The following DNAJC3 variants were observed in gnomAD, a reference collection of about 807,000 sequenced individuals.
DNAJC3 encodes the protein dnaJ homolog subfamily C member 3.
Under a neutral mutation model 68.6 loss-of-function variants are expected in DNAJC3, and 38 were observed. The ratio of observed to expected loss-of-function variants is 0.55; its 90% CI spans 0.43 to 0.73. The LOEUF is 0.73. Among genes scored for constraint, DNAJC3 ranks in the 30% least tolerant of loss-of-function variants. The pLI is 0.00. For missense variants in DNAJC3, 526 were observed against 591.9 expected, an observed-to-expected ratio of 0.89 and a Z score of 1.16; for synonymous variants, 203 against 204.0, an observed-to-expected ratio of 1.00 and a Z score of 0.04.
chr13:95,758,284 C>CTG (rs1343388705), intron 5 of DNAJC3, among the ~76,000 whole-genome samples: 4 of 151,988 alleles, frequency 2.6e-5, no homozygotes, highest in East Asian at 3.9e-4. Context: ...CTGCAGTGAG[C>CTG]TGTGATTGCT....
In DNAJC3 at chr13:95,793,305, G is replaced by C. The variant is rs1363413308; in HGVS notation, c.*2275G>C. The C allele has an allele frequency of 6.6e-6, 1 of 152,016 alleles. No individual in the cohort carries two copies. Among genetic ancestry groups the C allele is most frequent in the Non-Finnish European group, 1.5e-5 (1 of 68,020 alleles). 9.4% of individuals were successfully genotyped at this position (152,016 alleles called of 1,614,324 possible). A position where few individuals can be genotyped will look rare whatever the true frequency, so the allele number is the denominator to read the frequency against. On this transcript the variant is annotated 3_prime_UTR_variant, in exon 12 of 12. Coordinates refer to ENST00000602402, the MANE Select transcript of DNAJC3 (RefSeq NM_006260.5). ...CTTGATGGCTGTCGGCAGTTTTCTGGTGTCCACCCAAACGGAGAGACAGTC... is the reference window on the plus strand; with the variant it reads ...CTTGATGGCTGTCGGCAGTTTTCTGCTGTCCACCCAAACGGAGAGACAGTC...
At position 95,756,513 on chromosome 13, in the gene DNAJC3, A is replaced by G. The variant is rs1252318768; in HGVS notation, c.394-1131A>G. Among the ~76,000 whole-genome samples the G allele has an allele frequency of 5.3e-5, 8 of 152,264 alleles. No individual in the cohort carries two copies. The East Asian group carries it at 1.3e-3, about 26-fold the overall frequency. On this transcript the variant is annotated intron_variant, in intron 4 of 11. Coordinates refer to ENST00000602402, the MANE Select transcript of DNAJC3 (RefSeq NM_006260.5). ...CAAAATGGACAAGTATAAAACCCTT[A>G]CCAAGAAATAATATTGATAAAGTTT... is the stretch of plus-strand genomic sequence containing the variant.
At chr13:95,725,788 A>G (rs1282128433) in intron 4 of DNAJC3, among the ~76,000 whole-genome samples, 1 of 149,328 alleles carries the variant, frequency 6.7e-6, no homozygotes, top group Non-Finnish European at 1.5e-5. Context: ...CTCGTCATTT[A>G]GCATTAGGTA....
intron 4 of DNAJC3, among the ~76,000 whole-genome samples, chr13:95,751,067 T>C (rs1158704489): frequency 6.6e-6 from 1 of 152,076 alleles, no homozygotes; most frequent in East Asian, 1.9e-4. Flanking sequence ...AGGCCATGTC[T>C]CTACAGAAAA....
At chr13:95,770,627 A>G (rs1448708220) in intron 9 of DNAJC3, among the ~76,000 whole-genome samples, 8 of 151,394 alleles carry the variant, frequency 5.3e-5, no homozygotes, top group Non-Finnish European at 8.9e-5. Context: ...TAAACATACT[A>G]TCTCTCTTCA....
chr13:95,737,369 T>C (rs2139654255), intron 4 of DNAJC3, among the ~76,000 whole-genome samples: 1 of 152,252 alleles, frequency 6.6e-6, no homozygotes, highest in South Asian at 2.1e-4. Context: ...TCTTTTTCTA[T>C]TGATTGGAAT....
At chr13:95,765,196 C>T (rs1430079654) in intron 9 of DNAJC3, among the ~76,000 whole-genome samples, 1 of 152,110 alleles carries the variant, frequency 6.6e-6, no homozygotes, top group East Asian at 1.9e-4. Context: ...TTCAATAAGG[C>T]ATGTAGTCCA....
At chr13:95,724,014 C>G (rs1293346532) in intron 3 of DNAJC3, among the ~76,000 whole-genome samples, 3 of 151,746 alleles carry the variant, frequency 2.0e-5, no homozygotes, top group African/African-American at 7.3e-5. Flanking sequence ...AATTTGATAG[C>G]CATTTATTAT....
rs17878730 is a variant in DNAJC3, at chr13:95,762,855, G to A, written c.849-788G>A. 1.2e-3 allele frequency among the ~76,000 whole-genome samples: 177 copies of A among 152,252 alleles called. 5 individuals are homozygous for A. In the South Asian group the frequency reaches 0.035, roughly 30 times the overall value. On this transcript the variant is annotated intron_variant, in intron 7 of 11. Coordinates refer to ENST00000602402, the MANE Select transcript of DNAJC3 (RefSeq NM_006260.5). The stretch of plus-strand genomic sequence containing the variant: ...CATTGTTCAGCTCCCACTTATGAGT[G>A]AGAATATGCAGTGCTTTGTTTTCTG...
At chr13:95,710,409 T>G (rs1880918814) in intron 2 of DNAJC3, among the ~76,000 whole-genome samples, 1 of 151,976 alleles carries the variant, frequency 6.6e-6, no homozygotes, top group African/African-American at 2.4e-5. Flanking sequence ...TTTTTATATT[T>G]TTGTAGAGAT....
At chr13:95,759,177 T>C (rs965626417) in intron 5 of DNAJC3, among the ~76,000 whole-genome samples, 1 of 152,244 alleles carries the variant, frequency 6.6e-6, no homozygotes, top group African/African-American at 2.4e-5. Flanking sequence ...TAAACCCTTA[T>C]GGACTTTTTG....
chr13:95,731,641 A>C (rs1881714762), intron 4 of DNAJC3, among the ~76,000 whole-genome samples: 1 of 152,196 alleles, frequency 6.6e-6, no homozygotes, highest in Non-Finnish European at 1.5e-5. Context: ...CTCTGGGATA[A>C]ATCCCACTTG....
chr13:95,779,675 C>T (rs1421584542), intron 9 of DNAJC3, among the ~76,000 whole-genome samples: 3 of 151,866 alleles, frequency 2.0e-5, no homozygotes, highest in African/African-American at 7.3e-5. Flanking sequence ...ACATTTTTAC[C>T]TCCTCGTCAT....
At chr13:95,750,633 C>T (rs936818320) in intron 4 of DNAJC3, among the ~76,000 whole-genome samples, 15 of 151,924 alleles carry the variant, frequency 9.9e-5, no homozygotes, top group African/African-American at 4.8e-5. Context: ...CCTCAGCCTC[C>T]TAAGTAGCTG....
chr13:95,716,246 C>T (rs1453721921), intron 2 of DNAJC3, among the ~76,000 whole-genome samples: 1 of 152,206 alleles, frequency 6.6e-6, no homozygotes, highest in Non-Finnish European at 1.5e-5. Context: ...CCTTGCAGGG[C>T]GTGCAACAGG....
intron 1 of DNAJC3, among the ~76,000 whole-genome samples, chr13:95,684,290 TAA>T (rs1880011092): frequency 1.3e-5 from 2 of 152,138 alleles, no homozygotes; most frequent in South Asian, 4.1e-4. Flanking sequence ...TATGCTTTAG[TAA>T]AGAGACTGGT....
intron 4 of DNAJC3, among the ~76,000 whole-genome samples, chr13:95,752,088 C>T (rs1210038562): frequency 6.6e-6 from 1 of 152,180 alleles, no homozygotes; most frequent in African/African-American, 2.4e-5. Flanking sequence ...TATATCCTTA[C>T]ATTTTCCTGC....
chr13:95,704,851 G>GTTTTTTTTTTTTTTTTTTTTTGTTTT (rs1193979630), intron 1 of DNAJC3, among the ~76,000 whole-genome samples: 1 of 97,860 alleles, frequency 1.0e-5, no homozygotes, highest in African/African-American at 6.0e-5. Context: ...GTGTGTGTGT[G>GTTTTTTTTTTTTTTTTTTTTTGTTTT]TTTTTTTTTT....
At chr13:95,727,088 T>G (rs926826949) in intron 4 of DNAJC3, among the ~76,000 whole-genome samples, 2 of 152,190 alleles carry the variant, frequency 1.3e-5, no homozygotes, top group African/African-American at 4.8e-5. Context: ...AGCCCAGGCC[T>G]TTGTTCAAAG....
Sources: allele counts gnomAD v4.1 joint callset (sites outside exome capture counted in the v4.1 genomes callset), GRCh38; gene constraint gnomAD v4.1.1; transcripts MANE v1.5; gene names NCBI Gene and HGNC (gene_info 2026-07-23, HGNC 2026-07-21).